The following B3GALT1 variants were observed in gnomAD, a reference collection of about 807,000 sequenced individuals.
B3GALT1 encodes beta-1,3-galactosyltransferase 1.
Under a neutral mutation model 23.2 loss-of-function variants are expected in B3GALT1, and 10 were observed. The ratio of observed to expected loss-of-function variants is 0.43; its 90% CI spans 0.27 to 0.73. The LOEUF (loss-of-function observed/expected upper bound fraction) is 0.73, where lower values mean the gene tolerates loss of function less well. Ranked by LOEUF, B3GALT1 falls within the 30% of genes least tolerant of loss-of-function variation. The pLI is 0.21. For synonymous variants in B3GALT1, 156 were observed against 141.5 expected (o/e 1.10, Z -0.73); for missense variants, 299 against 405.4 (o/e 0.74, Z 2.25).
chr2:167,561,370 A>G (rs1683984455), intron 2 of B3GALT1, among the ~76,000 whole-genome samples: 1 of 152,192 alleles, frequency 6.6e-6, no homozygotes, highest in Non-Finnish European at 1.5e-5. Context: ...TCCAAAATTG[A>G]CACCCTAACA....
chr2:167,583,020 G>A (rs564663689), intron 2 of B3GALT1, among the ~76,000 whole-genome samples: 1 of 152,244 alleles, frequency 6.6e-6, no homozygotes, highest in South Asian at 2.1e-4. Flanking sequence ...TGGTTGAACA[G>A]CTCCCTGTTA....
At chr2:167,641,131 A>G (rs546273633) in intron 2 of B3GALT1, among the ~76,000 whole-genome samples, 51 of 152,326 alleles carry the variant, frequency 3.3e-4, no homozygotes, top group Non-Finnish European at 6.9e-4. Context: ...GTATGCTGTC[A>G]AAGTGCTTAT....
At chr2:167,688,212 A>G (rs1265654090) in intron 3 of B3GALT1, among the ~76,000 whole-genome samples, 1 of 152,098 alleles carries the variant, frequency 6.6e-6, no homozygotes, top group Non-Finnish European at 1.5e-5. Context: ...CATTTCCCTT[A>G]TATGAAAAAG....
In B3GALT1 at chr2:167,420,699, T is replaced by C. The variant is rs576949141; in HGVS notation, c.-510-69478T>C. On this transcript the variant is annotated intron_variant, in intron 1 of 4. Transcript: ENST00000392690. Reference sequence around the variant, plus strand: ...CATGAGATTGGCCTTGGAAACTATATGAACCATTGTACTCTTGTCCATTTT... The same window carrying C: ...CATGAGATTGGCCTTGGAAACTATACGAACCATTGTACTCTTGTCCATTTT... Among the ~76,000 whole-genome samples the C allele has an allele frequency of 5.3e-5, 8 of 152,354 alleles. No individual in the cohort carries two copies. The South Asian group carries it at 1.7e-3, about 32-fold the overall frequency.
In B3GALT1 at chr2:167,318,198, G is replaced by T. The variant is rs1361019401; in HGVS notation, c.-511+24864G>T. ...AAAAATTAGCCAGGTGTGGTGGCGG[G>T]CGCCTGTAATCCCAGCTACTCGGAG... On this transcript the variant is annotated intron_variant, in intron 1 of 4. Coordinates refer to ENST00000392690, the MANE Select transcript of B3GALT1 (RefSeq NM_020981.4). 2.0e-5 allele frequency among the ~76,000 whole-genome samples: 3 copies of T among 151,916 alleles called. No individual in the cohort carries two copies. In the South Asian group the frequency reaches 6.2e-4, roughly 32 times the overall value.
chr2:167,303,634 AAC>A (rs757759300), intron 1 of B3GALT1, among the ~76,000 whole-genome samples: 2 of 106,586 alleles, frequency 1.9e-5, no homozygotes, highest in Middle Eastern at 4.7e-3. Flanking sequence ...TGCTCTTGGA[AAC>A]ACACACATAC....
chr2:167,566,976 A>G (rs1381635315), intron 2 of B3GALT1, among the ~76,000 whole-genome samples: 2 of 152,204 alleles, frequency 1.3e-5, no homozygotes, highest in African/African-American at 2.4e-5. Flanking sequence ...ACCTCTTGCA[A>G]TCTTACTGCA....
At chr2:167,479,879 A>T (rs547972722) in intron 1 of B3GALT1, among the ~76,000 whole-genome samples, 1 of 152,258 alleles carries the variant, frequency 6.6e-6, no homozygotes, top group African/African-American at 2.4e-5. Context: ...TTGTGGGCAG[A>T]AGACTACAGA....
At chr2:167,522,980 G>A (rs991640546) in intron 2 of B3GALT1, among the ~76,000 whole-genome samples, 3 of 152,186 alleles carry the variant, frequency 2.0e-5, no homozygotes, top group African/African-American at 7.2e-5. Context: ...GACCAGCCAA[G>A]AGCATAGTAG....
chr2:167,537,698 C>G (rs887504595), intron 2 of B3GALT1, among the ~76,000 whole-genome samples: 3 of 152,172 alleles, frequency 2.0e-5, no homozygotes, highest in African/African-American at 7.2e-5. Flanking sequence ...CTGACCTCCA[C>G]TCCGCCTATC....
At chr2:167,719,804 T>A (rs1051451047) in intron 3 of B3GALT1, among the ~76,000 whole-genome samples, 1 of 152,018 alleles carries the variant, frequency 6.6e-6, no homozygotes, top group African/African-American at 2.4e-5. Flanking sequence ...TGGTGGCACG[T>A]GCCTGTAATC....
intron 2 of B3GALT1, among the ~76,000 whole-genome samples, chr2:167,587,481 C>G (rs7576381): frequency 0.18 from 27,584 of 152,122 alleles, 2,568 homozygotes; most frequent in Non-Finnish European, 0.2. Context: ...GTTAGAGGAA[C>G]TCACAGCGAG....
At chr2:167,670,066 A>G (rs1226489231) in intron 3 of B3GALT1, among the ~76,000 whole-genome samples, 1 of 152,198 alleles carries the variant, frequency 6.6e-6, no homozygotes, top group Non-Finnish European at 1.5e-5. Flanking sequence ...AAGCTAGCCT[A>G]TCCATGCTTT....
At chr2:167,681,662 A>G (rs1315056133) in intron 3 of B3GALT1, among the ~76,000 whole-genome samples, 1 of 152,254 alleles carries the variant, frequency 6.6e-6, no homozygotes, top group East Asian at 1.9e-4. Context: ...GTTTTAAGCC[A>G]GAAAATGCTA....
At chr2:167,411,569 T>C (rs1035722797) in intron 1 of B3GALT1, among the ~76,000 whole-genome samples, 1 of 152,138 alleles carries the variant, frequency 6.6e-6, no homozygotes, top group Admixed American at 6.5e-5. Context: ...GGCAATGACA[T>C]CTGCTGGTGA....
chr2:167,646,121 C>A (rs1685745197), intron 2 of B3GALT1, among the ~76,000 whole-genome samples: 1 of 152,056 alleles, frequency 6.6e-6, no homozygotes, highest in Admixed American at 6.6e-5. Context: ...TTATGGGCAT[C>A]TGAGGTTTGG....
intron 2 of B3GALT1, among the ~76,000 whole-genome samples, chr2:167,560,063 A>G (rs373805734): frequency 1.6e-4 from 25 of 152,352 alleles, no homozygotes; most frequent in East Asian, 9.6e-4. Context: ...GAGAAAGGTC[A>G]GGTTACCCAC....
chr2:167,780,559 G>A (rs1455889902), intron 3 of B3GALT1, among the ~76,000 whole-genome samples: 1 of 152,092 alleles, frequency 6.6e-6, no homozygotes, highest in African/African-American at 2.4e-5. Context: ...TTCTGTTAGC[G>A]CATCTTGACA....
At chr2:167,399,018 C>T (rs1344007912) in intron 1 of B3GALT1, among the ~76,000 whole-genome samples, 1 of 152,164 alleles carries the variant, frequency 6.6e-6, no homozygotes, top group Non-Finnish European at 1.5e-5. Context: ...GCAGTTTGAG[C>T]AGTTCTAGAT....
Sources: allele counts gnomAD v4.1 joint callset (sites outside exome capture counted in the v4.1 genomes callset), GRCh38; gene constraint gnomAD v4.1.1; transcripts MANE v1.5; gene names NCBI Gene and HGNC (gene_info 2026-07-23, HGNC 2026-07-21).